The following ACOXL variants were observed in gnomAD, a reference collection of about 807,000 sequenced individuals.
The protein encoded by ACOXL is acyl-coenzyme A oxidase-like protein.
In ACOXL, 70 loss-of-function variants were observed where a neutral mutation model predicts 71.9. That is an observed-to-expected ratio of 0.97 (90% CI 0.80 to 1.19). ACOXL has a LOEUF of 1.19. ACOXL is among the 50% of genes most tolerant of loss of function. The pLI is 0.00. For synonymous variants in ACOXL, 253 were observed against 281.6 expected (o/e 0.90, Z 1.02); for missense variants, 703 against 736.3 (o/e 0.95, Z 0.52).
chr2:110,968,778 C>CA (rs35801632), intron 12 of ACOXL: 17,825 of 217,244 alleles, frequency 0.082, 788 homozygotes, highest in East Asian at 0.28. Context: ...TTATGGACAG[C>CA]AAAAAAAAAA....
intron 10 of ACOXL, among the ~76,000 whole-genome samples, chr2:110,907,577 G>C (rs2059500523): frequency 1.3e-5 from 2 of 152,088 alleles, no homozygotes; most frequent in Admixed American, 6.6e-5. Flanking sequence ...GATGAAGGGC[G>C]GGTTGGGGTG....
chr2:110,793,806 G>A, intron 4 of ACOXL, 70 bp downstream of exon 4: 1 of 1,179,284 alleles, frequency 8.5e-7, no homozygotes, highest in African/African-American at 1.5e-5. Context: ...AGATATGCAT[G>A]TGTGTATGTG....
chr2:111,004,487 T>A (rs1191524541), intron 14 of ACOXL, among the ~76,000 whole-genome samples: 2 of 152,122 alleles, frequency 1.3e-5, no homozygotes, highest in Admixed American at 6.5e-5. Flanking sequence ...GTAGCCAGAA[T>A]TTCACTTAAA....
intron 5 of ACOXL, among the ~76,000 whole-genome samples, chr2:110,794,890 G>T (rs1269094847): frequency 6.6e-6 from 1 of 151,608 alleles, no homozygotes; most frequent in East Asian, 1.9e-4. Flanking sequence ...ACATACCCTC[G>T]GGACGCTGCT....
chr2:110,801,499 CA>C lies in ACOXL; in HGVS notation c.548-152del, dbSNP rs562928690. On this transcript the variant is annotated intron_variant, in intron 7 of 17. Transcript: ENST00000439055. ...CAGGCACAGCTCATCAAGGAAACAA[CA>C]GACAACATCCCCATGTCCACCCCCA... is the stretch of plus-strand genomic sequence containing the variant. Among the ~76,000 whole-genome samples the C allele has an allele frequency of 1.1e-3, 160 of 152,328 alleles. 2 individuals are homozygous for C. Among genetic ancestry groups the C allele is most frequent in the African/African-American group, 3.7e-3 (153 of 41,572 alleles).
chr2:110,936,924 C>A (rs961155389), intron 12 of ACOXL, among the ~76,000 whole-genome samples: 1 of 151,390 alleles, frequency 6.6e-6, no homozygotes, highest in Non-Finnish European at 1.5e-5. Context: ...CTTGGCTCAC[C>A]ACAACCTCCG....
chr2:111,052,124 C>T (rs1395269442), intron 16 of ACOXL, among the ~76,000 whole-genome samples: 1 of 152,156 alleles, frequency 6.6e-6, no homozygotes, highest in African/African-American at 2.4e-5. Context: ...ATGGCATAAG[C>T]CAGAACATTC....
At chr2:111,045,824 G>T (rs1480271363) in intron 15 of ACOXL, among the ~76,000 whole-genome samples, 1 of 152,204 alleles carries the variant, frequency 6.6e-6, no homozygotes, top group Non-Finnish European at 1.5e-5. Flanking sequence ...CATCTGTGTA[G>T]AAAGGGCTGT....
In ACOXL at chr2:110,911,453, G is replaced by C. The variant is rs980549436; in HGVS notation, c.905+2548G>C. On this transcript the variant is annotated intron_variant, in intron 11 of 17. Coordinates refer to ENST00000439055, the MANE Select transcript of ACOXL (RefSeq NM_001142807.4). ...TAGAGCAATATCACTTATGAATATA[G>C]AGGTAAAAACCCTTAACAAAATACT... Among the ~76,000 whole-genome samples, 5 of 152,060 alleles carry C rather than the reference G, an allele frequency of 3.3e-5. 1 individual carries two copies.
At chr2:110,887,991 A>G (rs1215815814) in intron 10 of ACOXL, 1 of 152,218 alleles carries the variant, frequency 6.6e-6, no homozygotes, top group Non-Finnish European at 1.5e-5. Flanking sequence ...AATTTGAATA[A>G]ATAAACATTT....
At chr2:110,916,833 A>G (rs966595230) in intron 11 of ACOXL, among the ~76,000 whole-genome samples, 7 of 152,210 alleles carry the variant, frequency 4.6e-5, no homozygotes, top group Non-Finnish European at 1.5e-5. Context: ...TCCTGGACAC[A>G]TACACCCTCC....
chr2:110,819,596 C>T (rs1044359030), intron 9 of ACOXL, among the ~76,000 whole-genome samples: 2 of 152,252 alleles, frequency 1.3e-5, no homozygotes, highest in African/African-American at 4.8e-5. Context: ...ATCATAGCTT[C>T]ATGGAAGCGA....
chr2:111,055,960 G>A (rs2066514849), intron 16 of ACOXL, among the ~76,000 whole-genome samples: 2 of 152,178 alleles, frequency 1.3e-5, no homozygotes, highest in South Asian at 4.1e-4. Flanking sequence ...AGTGTGGCTG[G>A]CAGTGTTCCT....
chr2:110,835,138 A>G (rs1165296962), intron 9 of ACOXL, among the ~76,000 whole-genome samples: 2 of 152,232 alleles, frequency 1.3e-5, no homozygotes, highest in Non-Finnish European at 2.9e-5. Flanking sequence ...CTTTTACATC[A>G]GCTTTTGAAA....
Position 110,774,257 on chromosome 2 carries a change from T to C in ACOXL, c.75+5793T>C, listed in dbSNP as rs1011324592. 9.2e-5 allele frequency among the ~76,000 whole-genome samples: 14 copies of C among 152,152 alleles called. 1 individual carries two copies. The highest frequency in any genetic ancestry group is 2.7e-4 in the African/African-American group (11 of 41,416). ...AGCAGGCAGAAATTACCTGTCTCGATGGAGCTTACATTTTTGTCTGGGAGG... is the reference window on the plus strand; with the variant it reads ...AGCAGGCAGAAATTACCTGTCTCGACGGAGCTTACATTTTTGTCTGGGAGG... On this transcript the variant is annotated intron_variant, in intron 2 of 17. Coordinates refer to ENST00000439055, the MANE Select transcript of ACOXL (RefSeq NM_001142807.4).
chr2:110,979,251 G>T (rs1230139923), intron 12 of ACOXL, among the ~76,000 whole-genome samples: 2 of 152,156 alleles, frequency 1.3e-5, no homozygotes, highest in African/African-American at 4.8e-5. Context: ...CGCCAACCAT[G>T]CTCCTTGGTG....
chr2:111,081,219 G>A (rs1327279846), intron 16 of ACOXL, among the ~76,000 whole-genome samples: 2 of 152,186 alleles, frequency 1.3e-5, no homozygotes, highest in East Asian at 3.8e-4. Context: ...TAGGAAGAGA[G>A]GAAGTCAAAT....
At position 110,744,042 on chromosome 2, in the gene ACOXL, C is replaced by T. The variant is rs1410105888; in HGVS notation, c.-23+11268C>T. Among the ~76,000 whole-genome samples the T allele has an allele frequency of 2.6e-5, 4 of 152,216 alleles. No individual in the cohort carries two copies. The East Asian group carries it at 7.7e-4, about 29-fold the overall frequency. ...CCTGCACCCTGCAGCAGATGTCCCACACCTAGGCCCTGCCTCCTAGTTGTG... is the reference window on the plus strand; with the variant it reads ...CCTGCACCCTGCAGCAGATGTCCCATACCTAGGCCCTGCCTCCTAGTTGTG... On this transcript the variant is annotated intron_variant, in intron 1 of 17. Transcript: ENST00000439055.
chr2:110,880,153 C>CAAAAAAAAAAAA (rs56852121), intron 10 of ACOXL, among the ~76,000 whole-genome samples: 31 of 84,712 alleles, frequency 3.7e-4, no homozygotes, highest in Non-Finnish European at 4.6e-4. Flanking sequence ...CTGTCACAAA[C>CAAAAAAAAAAAA]AAAAAAAAAA....
Sources: gnomAD v4.1 joint callset for allele counts (sites outside exome capture counted in the v4.1 genomes callset) on GRCh38, gnomAD v4.1.1 for gene constraint, MANE v1.5 for transcripts, NCBI Gene and HGNC (gene_info 2026-07-23, HGNC 2026-07-21) for gene names.